MAN2A1: variants seen among roughly 807,000 people sequenced by gnomAD.
The protein encoded by MAN2A1 is alpha-mannosidase 2.
In MAN2A1, 76 loss-of-function variants were observed where a neutral mutation model predicts 142.6. The observed-to-expected ratio is 0.53, with a 90% CI of 0.44 to 0.65. The LOEUF (loss-of-function observed/expected upper bound fraction) is 0.65. MAN2A1 is among the 30% of genes least tolerant of loss of function. The pLI, the probability that MAN2A1 is intolerant of heterozygous loss-of-function variation, is 0.00. For missense variants in MAN2A1, 1,311 were observed against 1,365.1 expected (o/e 0.96, Z 0.62); for synonymous variants, 559 against 473.2 (o/e 1.18, Z -2.35).
At chr5:109,715,485 T>C (rs1182843742) in intron 2 of MAN2A1, among the ~76,000 whole-genome samples, 2 of 152,028 alleles carry the variant, frequency 1.3e-5, no homozygotes, top group Admixed American at 6.6e-5. Context: ...CCAGAAGGAA[T>C]GCTGCATTGA....
chr5:109,841,263 C>T (rs529811542), intron 16 of MAN2A1, among the ~76,000 whole-genome samples: 23 of 152,296 alleles, frequency 1.5e-4, no homozygotes, highest in South Asian at 1.0e-3. Context: ...GTATACACTG[C>T]ACTCTATTTG....
intron 16 of MAN2A1, among the ~76,000 whole-genome samples, chr5:109,831,944 T>G (rs986143559): frequency 6.6e-6 from 1 of 151,968 alleles, no homozygotes; most frequent in Admixed American, 6.5e-5. Flanking sequence ...AACATAAATA[T>G]GTTCCTATTT....
chr5:109,764,815 G>A (rs946902040), intron 5 of MAN2A1, among the ~76,000 whole-genome samples: 3 of 151,940 alleles, frequency 2.0e-5, no homozygotes, highest in African/African-American at 7.3e-5. Flanking sequence ...TTCTGTCCTT[G>A]TTATTTGGAC....
chr5:109,831,681 C>T (rs1754909875), intron 16 of MAN2A1, among the ~76,000 whole-genome samples: 1 of 152,120 alleles, frequency 6.6e-6, no homozygotes, highest in Non-Finnish European at 1.5e-5. Context: ...GGAAACTTCA[C>T]ATCATTATTT....
chr5:109,704,160 C>T (rs1751063583), intron 1 of MAN2A1, among the ~76,000 whole-genome samples: 1 of 152,182 alleles, frequency 6.6e-6, no homozygotes, highest in Non-Finnish European at 1.5e-5. Context: ...GAGTGCTCTG[C>T]CAGAACAAGG....
chr5:109,709,722 C>G (rs1198359839), intron 1 of MAN2A1, among the ~76,000 whole-genome samples: 1 of 152,120 alleles, frequency 6.6e-6, no homozygotes, highest in Non-Finnish European at 1.5e-5. Flanking sequence ...TGGTTTTTCT[C>G]TTTCACTAAA....
chr5:109,822,585 GAAATTTGT>G (rs1205046882), intron 15 of MAN2A1, among the ~76,000 whole-genome samples: 1 of 151,860 alleles, frequency 6.6e-6, no homozygotes, highest in Non-Finnish European at 1.5e-5. Flanking sequence ...TTAGGTACAA[GAAATTTGT>G]AAACCATTAA....
intron 6 of MAN2A1, 57 bp downstream of exon 6, chr5:109,767,765 G>T (rs910378359): frequency 2.8e-6 from 4 of 1,426,806 alleles, no homozygotes; most frequent in Non-Finnish European, 1.9e-6. Context: ...TTTCACAAGG[G>T]TTATGAACTC....
intron 17 of MAN2A1, 85 bp downstream of exon 17, chr5:109,842,546 C>A: frequency 2.3e-6 from 2 of 862,284 alleles, no homozygotes; most frequent in Non-Finnish European, 3.3e-6. Context: ...AATTTTGGAT[C>A]CTTTGAAAAA....
At chr5:109,802,951 T>G (rs1168965020) in intron 12 of MAN2A1, among the ~76,000 whole-genome samples, 3 of 152,058 alleles carry the variant, frequency 2.0e-5, no homozygotes, top group African/African-American at 7.2e-5. Context: ...TACAATATAA[T>G]TAAATATATA....
At chr5:109,729,572 T>C in intron 4 of MAN2A1, 59 bp downstream of exon 4, 1 of 876,318 alleles carries the variant, frequency 1.1e-6, no homozygotes, top group Non-Finnish European at 1.6e-6. Flanking sequence ...TACAATGAAC[T>C]AAGTATTGAA....
intron 4 of MAN2A1, among the ~76,000 whole-genome samples, chr5:109,745,774 T>C (rs1406463160): frequency 6.6e-6 from 1 of 152,098 alleles, no homozygotes; most frequent in African/African-American, 2.4e-5. Flanking sequence ...CAGGCCACCA[T>C]GCCTAGCCAA....
chr5:109,782,095 T>G (rs965569174), intron 9 of MAN2A1, among the ~76,000 whole-genome samples: 3 of 152,182 alleles, frequency 2.0e-5, no homozygotes, highest in African/African-American at 7.2e-5. Flanking sequence ...ATCTCAGTTC[T>G]TACATACTTA....
intron 12 of MAN2A1, among the ~76,000 whole-genome samples, chr5:109,802,564 T>C (rs185054666): frequency 1.1e-3 from 171 of 152,284 alleles, no homozygotes; most frequent in Admixed American, 2.3e-3. Context: ...TTTTGATTCT[T>C]CTAAATGGCA....
chr5:109,706,837 A>G (rs1751148184), intron 1 of MAN2A1, among the ~76,000 whole-genome samples: 3 of 152,162 alleles, frequency 2.0e-5, no homozygotes, highest in South Asian at 2.1e-4. Context: ...GTTTCTTTTG[A>G]ATGCTGCTAT....
chr5:109,807,902 C>T (rs908444521), intron 12 of MAN2A1, among the ~76,000 whole-genome samples: 1 of 152,142 alleles, frequency 6.6e-6, no homozygotes, highest in South Asian at 2.1e-4. Flanking sequence ...TCTACTTCGC[C>T]GTCCTGCTTT....
chr5:109,823,650 A>G lies in MAN2A1; in HGVS notation c.2452-73A>G, dbSNP rs1754684957. 5 of 765,528 alleles carry G rather than the reference A, an allele frequency of 6.5e-6. No homozygotes were observed. In the African/African-American group the frequency reaches 7.2e-5, roughly 11 times the overall value. The allele number at this position is 765,528 out of a possible 1,614,324, so 47.4% of individuals were successfully genotyped here. ...GTGATACGTATTTTCTATTTTTGAA[A>G]CCATAATAAACATATTCTTTTAAAA... is the stretch of plus-strand genomic sequence containing the variant. On this transcript the variant is annotated intron_variant, in intron 15 of 21. Transcript: ENST00000261483.
Position 109,819,801 on chromosome 5 carries a change from A to G in MAN2A1, c.2242A>G (p.Ile748Val), listed in dbSNP as rs756731774. The G allele has an allele frequency of 6.2e-7, 1 of 1,611,016 alleles. No individual in the cohort carries two copies. Among genetic ancestry groups the G allele is most frequent in the South Asian group, 1.1e-5 (1 of 90,552 alleles). Residue 748 changes from isoleucine to valine, a missense_variant, in exon 14 of 22, where the codon ATA becomes GTA. Transcript: ENST00000261483. ...NKVEDSGIFT[I>V]KNMINTEEGI... ...AGTAGAAGATAGCGGAATTTTCACC[A>G]TAAAGAATATGATAAATACTGAAGA...
At chr5:109,749,140 A>G (rs1466968932) in intron 4 of MAN2A1, among the ~76,000 whole-genome samples, 1 of 152,022 alleles carries the variant, frequency 6.6e-6, no homozygotes, top group Non-Finnish European at 1.5e-5. Context: ...TTAATTTGTG[A>G]TTCTTTGAAG....
Sources: gnomAD v4.1 joint callset for allele counts (sites outside exome capture counted in the v4.1 genomes callset) on GRCh38, gnomAD v4.1.1 for gene constraint, MANE v1.5 for transcripts, NCBI Gene and HGNC (gene_info 2026-07-23, HGNC 2026-07-21) for gene names.